Variants in MIPOL1 observed in about 807,000 individuals in gnomAD.
MIPOL1 encodes the protein mirror-image polydactyly 1.
MIPOL1 carries 57 observed loss-of-function variants against 60.9 expected under a neutral mutation model. The ratio of observed to expected loss-of-function variants is 0.94; its 90% CI spans 0.76 to 1.17. The LOEUF is 1.17. MIPOL1 is among the 50% of genes most tolerant of loss of function. The pLI is 0.00. For synonymous variants in MIPOL1, 179 were observed against 168.8 expected, an observed-to-expected ratio of 1.06 and a Z score of -0.47; for missense variants, 551 against 511.6, an observed-to-expected ratio of 1.08 and a Z score of -0.74.
At chr14:37,517,889 G>A (rs980515414) in intron 12 of MIPOL1, among the ~76,000 whole-genome samples, 4 of 152,234 alleles carry the variant, frequency 2.6e-5, no homozygotes, top group Admixed American at 1.3e-4. Context: ...AAGGATGGGA[G>A]TGCAACTTTT....
chr14:37,272,231 C>A (rs1594838921), intron 6 of MIPOL1, among the ~76,000 whole-genome samples: 2 of 151,564 alleles, frequency 1.3e-5, no homozygotes, highest in East Asian at 1.9e-4. Context: ...ATATGTCCAA[C>A]CATTTGCTTA....
At chr14:37,361,610 CTTTTTTTTTTTTTTT>C (rs71127213) in intron 9 of MIPOL1, among the ~76,000 whole-genome samples, 8 of 82,548 alleles carry the variant, frequency 9.7e-5, no homozygotes, top group East Asian at 3.9e-4. Flanking sequence ...CCCTCTCTCT[CTTTTTTTTTTTTTTT>C]TTTTTTTTTT....
intron 12 of MIPOL1, among the ~76,000 whole-genome samples, chr14:37,522,589 C>T (rs2095421422): frequency 6.6e-6 from 1 of 152,078 alleles, no homozygotes; most frequent in Non-Finnish European, 1.5e-5. Context: ...TACTCTGTAA[C>T]CAATAAATCA....
intron 1 of MIPOL1, among the ~76,000 whole-genome samples, chr14:37,229,506 A>C (rs1406122618): frequency 1.3e-5 from 2 of 152,160 alleles, no homozygotes; most frequent in African/African-American, 4.8e-5. Flanking sequence ...AACAAAACCC[A>C]AAAAGCCCAT....
rs145943662 is a variant in MIPOL1, at chr14:37,510,067, A to G, written c.1262+9929A>G. ...ATTCATCTTTGTATAGTCTGTATAC[A>G]TATAGACTATATGTATGTGTAAATA... On this transcript the variant is annotated intron_variant, in intron 12 of 12. Coordinates refer to ENST00000684589, the MANE Select transcript of MIPOL1 (RefSeq NM_001388067.1). Among the ~76,000 whole-genome samples, 598 of 152,072 alleles carry G rather than the reference A, an allele frequency of 3.9e-3. 4 individuals carry two copies. Among genetic ancestry groups the G allele is most frequent in the African/African-American group, 0.014 (579 of 41,484 alleles).
chr14:37,326,110 T>TA (rs888811547), intron 9 of MIPOL1, among the ~76,000 whole-genome samples: 2 of 152,128 alleles, frequency 1.3e-5, no homozygotes, highest in South Asian at 2.1e-4. Context: ...TGGCTATGGA[T>TA]AAAAAAACAT....
Position 37,369,594 on chromosome 14 carries a change from T to G in MIPOL1, c.906T>G (p.Thr302=). The change falls in exon 10 of 13, where the codon ACT becomes ACG. Residue 302 remains threonine, a synonymous_variant. Coordinates refer to ENST00000684589, the MANE Select transcript of MIPOL1 (RefSeq NM_001388067.1). ...CAGCAAACAACATGAGACATCTGAC[T>G]GCTGAAAACAATCAAGAACGTGCTC... The part of the protein sequence containing the change: ...QTSANNMRHL[T]AENNQERALK... 1 of 1,613,150 alleles carries G rather than the reference T, an allele frequency of 6.2e-7. No homozygotes were observed.
At chr14:37,324,170 C>T (rs1361407331) in intron 9 of MIPOL1, among the ~76,000 whole-genome samples, 1 of 151,960 alleles carries the variant, frequency 6.6e-6, no homozygotes, top group Non-Finnish European at 1.5e-5. Flanking sequence ...TATTATTTTA[C>T]ATTCTCAGCA....
At chr14:37,216,004 A>T (rs1384590470) in intron 1 of MIPOL1, among the ~76,000 whole-genome samples, 1 of 151,386 alleles carries the variant, frequency 6.6e-6, no homozygotes, top group Non-Finnish European at 1.5e-5. Flanking sequence ...CAGAGGTTTC[A>T]GTAAGCCAAG....
chr14:37,225,577 C>T (rs912625465), intron 1 of MIPOL1, among the ~76,000 whole-genome samples: 6 of 152,136 alleles, frequency 3.9e-5, no homozygotes, highest in African/African-American at 1.4e-4. Flanking sequence ...GCACCAAGTC[C>T]CTAGGCTGCA....
At chr14:37,312,814 A>G (rs572005807) in intron 9 of MIPOL1, among the ~76,000 whole-genome samples, 2 of 152,256 alleles carry the variant, frequency 1.3e-5, no homozygotes, top group African/African-American at 2.4e-5. Context: ...TTTTTGGCCA[A>G]TTCACACTTT....
intron 1 of MIPOL1, among the ~76,000 whole-genome samples, chr14:37,235,545 T>C (rs1971327605): frequency 6.6e-6 from 1 of 152,268 alleles, no homozygotes; most frequent in Admixed American, 6.5e-5. Context: ...GGACTATTTA[T>C]TAATCACAGG....
At chr14:37,403,803 A>G (rs986970294) in intron 10 of MIPOL1, among the ~76,000 whole-genome samples, 3 of 152,198 alleles carry the variant, frequency 2.0e-5, no homozygotes, top group African/African-American at 7.2e-5. Flanking sequence ...TGCTGGAAGA[A>G]CAAGCTGCTT....
intron 10 of MIPOL1, among the ~76,000 whole-genome samples, chr14:37,377,998 A>G (rs1325572285): frequency 6.6e-5 from 10 of 151,788 alleles, no homozygotes; most frequent in African/African-American, 9.7e-5. Context: ...ATGAGATATC[A>G]TGTCACACCA....
intron 10 of MIPOL1, among the ~76,000 whole-genome samples, chr14:37,372,291 A>G (rs531131994): frequency 2.6e-5 from 4 of 152,170 alleles, no homozygotes; most frequent in Non-Finnish European, 5.9e-5. Context: ...ATCAGTTATC[A>G]CGTAAGGAAA....
At chr14:37,447,068 G>A (rs2153571395) in intron 11 of MIPOL1, among the ~76,000 whole-genome samples, 1 of 151,580 alleles carries the variant, frequency 6.6e-6, no homozygotes, top group Non-Finnish European at 1.5e-5. Flanking sequence ...AAAACTTAAA[G>A]TATAATAATA....
chr14:37,254,608 C>T (rs1017135046), intron 3 of MIPOL1, among the ~76,000 whole-genome samples: 1 of 151,714 alleles, frequency 6.6e-6, no homozygotes, highest in Non-Finnish European at 1.5e-5. Flanking sequence ...TTTGTTACAA[C>T]CAGTGAACTA....
At chr14:37,293,004 T>C (rs1164284732) in intron 7 of MIPOL1, among the ~76,000 whole-genome samples, 1 of 152,194 alleles carries the variant, frequency 6.6e-6, no homozygotes, top group East Asian at 1.9e-4. Context: ...ATCTGGCCTC[T>C]CTATACGTAT....
At chr14:37,356,250 G>T (rs1340679315) in intron 9 of MIPOL1, among the ~76,000 whole-genome samples, 3 of 151,730 alleles carry the variant, frequency 2.0e-5, no homozygotes, top group Admixed American at 6.6e-5. Flanking sequence ...CACTTGAGGA[G>T]TCAGTCTGCC....
Sources: allele counts gnomAD v4.1 joint callset (sites outside exome capture counted in the v4.1 genomes callset), GRCh38; gene constraint gnomAD v4.1.1; transcripts MANE v1.5; gene names NCBI Gene and HGNC (gene_info 2026-07-23, HGNC 2026-07-21).